RPS6KC1: variants seen among roughly 807,000 people sequenced by gnomAD.
RPS6KC1 encodes inactive ribosomal protein S6 kinase delta-1.
Under a neutral mutation model 103.8 loss-of-function variants are expected in RPS6KC1, and 54 were observed. The observed-to-expected ratio is 0.52, with a 90% CI of 0.42 to 0.65. The LOEUF (loss-of-function observed/expected upper bound fraction) is 0.65, where lower values mean the gene tolerates loss of function less well. RPS6KC1 is among the 30% of genes least tolerant of loss of function. The probability of loss-of-function intolerance (pLI) is 0.00; values close to 1 mark genes in which losing one functional copy is unlikely to be tolerated. For missense variants in RPS6KC1, 1,151 were observed against 1,253.8 expected (o/e 0.92, Z 1.24); for synonymous variants, 439 against 438.7 (o/e 1.00, Z -0.01).
the RPS6KC1 span, among the ~76,000 whole-genome samples, chr1:213,680,253 G>A: frequency 6.6e-6 from 1 of 152,168 alleles, no homozygotes; most frequent in Non-Finnish European, 1.5e-5. Flanking sequence ...TTGAATCGGA[G>A]GTTACAACGC....
chr1:213,172,387 C>G (rs755605561), intron 7 of RPS6KC1, among the ~76,000 whole-genome samples: 88 of 151,930 alleles, frequency 5.8e-4, no homozygotes, highest in Non-Finnish European at 2.6e-4. Context: ...TGAGGCCAGG[C>G]GTTCGAGACC....
the RPS6KC1 span, among the ~76,000 whole-genome samples, chr1:213,575,347 T>C: frequency 6.6e-6 from 1 of 152,076 alleles, no homozygotes; most frequent in African/African-American, 2.4e-5. Context: ...GCTGGTAAAA[T>C]AGGCAATGAG....
At chr1:213,353,410 T>C in the RPS6KC1 span, among the ~76,000 whole-genome samples, 1 of 152,254 alleles carries the variant, frequency 6.6e-6, no homozygotes, top group African/African-American at 2.4e-5. Context: ...TCTAATTTTA[T>C]AGAAGAGGCA....
chr1:213,405,657 A>G, the RPS6KC1 span, among the ~76,000 whole-genome samples: 1 of 152,264 alleles, frequency 6.6e-6, no homozygotes, highest in Non-Finnish European at 1.5e-5. Flanking sequence ...TTTCAGCAGC[A>G]GCAGTAGCAG....
At chr1:213,354,625 T>TGAGG in the RPS6KC1 span, among the ~76,000 whole-genome samples, 1 of 152,148 alleles carries the variant, frequency 6.6e-6, no homozygotes, top group Admixed American at 6.5e-5. Context: ...TTCTTGCTGG[T>TGAGG]GAGGACTCTG....
chr1:213,771,153 C>G, the RPS6KC1 span, among the ~76,000 whole-genome samples: 18,914 of 152,074 alleles, frequency 0.12, 1,401 homozygotes, highest in Middle Eastern at 0.28. Flanking sequence ...GTTTTTCCTC[C>G]TCTAAGTAAA....
intron 8 of RPS6KC1, among the ~76,000 whole-genome samples, chr1:213,197,189 TGTA>T (rs1558518513): frequency 6.6e-6 from 1 of 152,218 alleles, no homozygotes; most frequent in African/African-American, 2.4e-5. Flanking sequence ...ACTATAGCCT[TGTA>T]GTACAGTTTG....
chr1:213,524,564 C>T, the RPS6KC1 span, among the ~76,000 whole-genome samples: 1 of 152,210 alleles, frequency 6.6e-6, no homozygotes, highest in Non-Finnish European at 1.5e-5. Flanking sequence ...GAGGACCTAT[C>T]TCTCTGGTGT....
chr1:213,831,221 C>A, the RPS6KC1 span, among the ~76,000 whole-genome samples: 1 of 152,168 alleles, frequency 6.6e-6, no homozygotes, highest in African/African-American at 2.4e-5. Context: ...GAAGGTGTCA[C>A]CTCACATGGA....
the RPS6KC1 span, among the ~76,000 whole-genome samples, chr1:213,427,977 G>A: frequency 1.3e-5 from 2 of 152,202 alleles, no homozygotes; most frequent in Non-Finnish European, 2.9e-5. Flanking sequence ...TCTGTGCTGT[G>A]GGGTTGACTT....
At chr1:213,284,310 G>GT in the RPS6KC1 span, among the ~76,000 whole-genome samples, 1 of 152,224 alleles carries the variant, frequency 6.6e-6, no homozygotes, top group Non-Finnish European at 1.5e-5. Context: ...TTGGCCGGGA[G>GT]TTTGAGACCA....
the RPS6KC1 span, among the ~76,000 whole-genome samples, chr1:213,533,364 A>G: frequency 6.6e-6 from 1 of 152,194 alleles, no homozygotes; most frequent in African/African-American, 2.4e-5. Flanking sequence ...AAGAATCAGG[A>G]GGTTCTGGCT....
At chr1:213,561,333 A>AC in the RPS6KC1 span, among the ~76,000 whole-genome samples, 4 of 151,326 alleles carry the variant, frequency 2.6e-5, no homozygotes, top group African/African-American at 9.7e-5. Context: ...GTAATAGCTA[A>AC]TTTTTTTTTG....
At chr1:213,748,361 T>A in the RPS6KC1 span, among the ~76,000 whole-genome samples, 3 of 152,158 alleles carry the variant, frequency 2.0e-5, no homozygotes, top group African/African-American at 7.2e-5. Context: ...TTTGAGGGCT[T>A]ATGTGGGGTA....
At chr1:213,388,780 A>T in the RPS6KC1 span, among the ~76,000 whole-genome samples, 7 of 152,276 alleles carry the variant, frequency 4.6e-5, no homozygotes, top group African/African-American at 1.7e-4. Context: ...GGAGATGCTG[A>T]TCTTCAGCGG....
the RPS6KC1 span, among the ~76,000 whole-genome samples, chr1:213,747,191 T>G: frequency 6.6e-6 from 1 of 151,944 alleles, no homozygotes; most frequent in African/African-American, 2.4e-5. Flanking sequence ...GGAGCAAACT[T>G]GTGAAGTAGG....
chr1:213,075,280 A>T (rs575808573), intron 2 of RPS6KC1, among the ~76,000 whole-genome samples: 19 of 152,184 alleles, frequency 1.2e-4, no homozygotes, highest in Non-Finnish European at 1.9e-4. Context: ...ACCTTATATA[A>T]GGTACTGCTT....
chr1:213,207,854 G>C (rs2093396717), intron 8 of RPS6KC1, among the ~76,000 whole-genome samples: 2 of 151,958 alleles, frequency 1.3e-5, no homozygotes, highest in African/African-American at 4.8e-5. Flanking sequence ...TATATTTTTA[G>C]TAGAGACAGG....
intron 7 of RPS6KC1, among the ~76,000 whole-genome samples, chr1:213,174,888 A>G (rs917755402): frequency 5.3e-5 from 8 of 152,168 alleles, no homozygotes; most frequent in African/African-American, 1.9e-4. Flanking sequence ...AATGTATCTA[A>G]GAAGCATAAA....
Sources: allele counts gnomAD v4.1 joint callset (sites outside exome capture counted in the v4.1 genomes callset), GRCh38; gene constraint gnomAD v4.1.1; transcripts MANE v1.5; gene names NCBI Gene and HGNC (gene_info 2026-07-23, HGNC 2026-07-21).